SLC24A2: variants seen among roughly 807,000 people sequenced by gnomAD.
The protein encoded by SLC24A2 is sodium/potassium/calcium exchanger 2.
Under a neutral mutation model 62.0 loss-of-function variants are expected in SLC24A2, and 36 were observed. The ratio of observed to expected loss-of-function variants is 0.58; its 90% CI spans 0.44 to 0.77. The LOEUF (loss-of-function observed/expected upper bound fraction) is 0.77, where lower values mean the gene tolerates loss of function less well. Among genes scored for constraint, SLC24A2 ranks in the 30% least tolerant of loss-of-function variants. SLC24A2 has a pLI of 0.00. For synonymous variants in SLC24A2, 358 were observed against 294.0 expected (o/e 1.22, Z -2.23); for missense variants, 846 against 817.9 (o/e 1.03, Z -0.42).
intron 2 of SLC24A2, among the ~76,000 whole-genome samples, chr9:19,740,465 T>C (rs10964259): frequency 0.18 from 27,932 of 152,054 alleles, 4,941 homozygotes; most frequent in East Asian, 0.68. Context: ...ATAAATGAAG[T>C]CAAACCCCAA....
At chr9:19,746,020 A>T (rs1821821051) in intron 2 of SLC24A2, among the ~76,000 whole-genome samples, 1 of 152,104 alleles carries the variant, frequency 6.6e-6, no homozygotes, top group African/African-American at 2.4e-5. Flanking sequence ...GAAAATACAG[A>T]AAAGACTACA....
the SLC24A2 span, among the ~76,000 whole-genome samples, chr9:20,297,309 A>G: frequency 1.3e-5 from 2 of 152,310 alleles, no homozygotes; most frequent in Middle Eastern, 6.8e-3. Flanking sequence ...AGCATCATCC[A>G]TTTTACACAT....
At chr9:19,718,299 T>TTTC in intron 2 of SLC24A2, among the ~76,000 whole-genome samples, 1 of 131,038 alleles carries the variant, frequency 7.6e-6, no homozygotes, top group Non-Finnish European at 1.6e-5. Flanking sequence ...TTTTTTTTTT[T>TTTC]TTTTTTTTTT....
At chr9:19,794,180 G>A in the SLC24A2 span, among the ~76,000 whole-genome samples, 1 of 152,166 alleles carries the variant, frequency 6.6e-6, no homozygotes. Flanking sequence ...TCACTTACGA[G>A]GTAAGAAGTG....
rs1028029787 is a variant in SLC24A2, at chr9:19,520,292, C to G, written c.1736+602G>C. Among the ~76,000 whole-genome samples the G allele has an allele frequency of 5.9e-5, 9 of 152,200 alleles. No homozygotes were observed. The South Asian group carries it at 1.7e-3, about 28-fold the overall frequency. On this transcript the variant is annotated intron_variant, in intron 10 of 10. Coordinates refer to ENST00000341998, the MANE Select transcript of SLC24A2 (RefSeq NM_020344.4). ...ACAAGTTAAATAAAATGGTGGAGATCGCAGCACCTCTCCCCAGTCTGATTC... is the reference window on the plus strand; with the variant it reads ...ACAAGTTAAATAAAATGGTGGAGATGGCAGCACCTCTCCCCAGTCTGATTC...
At chr9:19,881,358 AT>A in the SLC24A2 span, among the ~76,000 whole-genome samples, 1 of 152,200 alleles carries the variant, frequency 6.6e-6, no homozygotes, top group Non-Finnish European at 1.5e-5. Flanking sequence ...AGATAAAAGT[AT>A]CATGTGCTGT....
At chr9:20,162,452 G>A in the SLC24A2 span, among the ~76,000 whole-genome samples, 1 of 152,082 alleles carries the variant, frequency 6.6e-6, no homozygotes, top group South Asian at 2.1e-4. Flanking sequence ...TTTCTGAATA[G>A]AACAATAACA....
chr9:20,306,461 G>C, the SLC24A2 span, among the ~76,000 whole-genome samples: 1 of 152,174 alleles, frequency 6.6e-6, no homozygotes, highest in African/African-American at 2.4e-5. Flanking sequence ...TCCACAAATA[G>C]AGAAAGACCC....
the SLC24A2 span, among the ~76,000 whole-genome samples, chr9:19,937,676 TGAGA>T: frequency 3.3e-5 from 5 of 152,350 alleles, no homozygotes; most frequent in Admixed American, 3.3e-4. Flanking sequence ...TCCTAATAAT[TGAGA>T]GACAGATATT....
chr9:19,676,809 T>C lies in SLC24A2; in HGVS notation c.931-54510A>G, dbSNP rs923107489. 2.6e-5 allele frequency among the ~76,000 whole-genome samples: 4 copies of C among 152,222 alleles called. No homozygotes were observed. In the East Asian group the frequency reaches 7.7e-4, roughly 29 times the overall value. Reference sequence around the variant, plus strand: ...GGAAAGAAACTATTTTATTATTTAATAGTTAATTTCTTAACCTAAGAGAAT... The same window carrying C: ...GGAAAGAAACTATTTTATTATTTAACAGTTAATTTCTTAACCTAAGAGAAT... On this transcript the variant is annotated intron_variant, in intron 2 of 10. Transcript: ENST00000341998.
the SLC24A2 span, among the ~76,000 whole-genome samples, chr9:20,244,174 G>C: frequency 6.6e-6 from 1 of 152,054 alleles, no homozygotes; most frequent in Admixed American, 6.6e-5. Flanking sequence ...TAGTTTTGAA[G>C]AAAAATAAAC....
At chr9:19,846,446 C>A in the SLC24A2 span, among the ~76,000 whole-genome samples, 2 of 152,290 alleles carry the variant, frequency 1.3e-5, no homozygotes, top group Admixed American at 6.5e-5. Flanking sequence ...GCAAGATAGA[C>A]TTTCCTCCAA....
intron 2 of SLC24A2, among the ~76,000 whole-genome samples, chr9:19,783,615 G>C (rs930367990): frequency 6.6e-6 from 1 of 152,038 alleles, no homozygotes; most frequent in Non-Finnish European, 1.5e-5. Flanking sequence ...TCAGTGCCTG[G>C]GGGGGAAAAC....
chr9:19,575,032 G>A (rs1835965531), intron 6 of SLC24A2, among the ~76,000 whole-genome samples: 1 of 152,076 alleles, frequency 6.6e-6, no homozygotes, highest in African/African-American at 2.4e-5. Context: ...AATAATTTGA[G>A]AGTTACATAA....
At chr9:20,288,013 G>A in the SLC24A2 span, among the ~76,000 whole-genome samples, 1 of 112,072 alleles carries the variant, frequency 8.9e-6, no homozygotes, top group Admixed American at 9.5e-5. Flanking sequence ...TTTTTGGTTG[G>A]GAGTGGGAAG....
the SLC24A2 span, among the ~76,000 whole-genome samples, chr9:20,017,892 C>G: frequency 4.6e-4 from 70 of 152,318 alleles, 1 homozygote; most frequent in South Asian, 0.014. Context: ...TCCACTGACT[C>G]AAATGTTAAT....
chr9:20,073,802 T>C, the SLC24A2 span, among the ~76,000 whole-genome samples: 63,785 of 150,668 alleles, frequency 0.42, 14,009 homozygotes, highest in Middle Eastern at 0.54. Flanking sequence ...TATGTATACA[T>C]TGTGTATGTA....
At chr9:19,750,401 T>G (rs569903870) in intron 2 of SLC24A2, among the ~76,000 whole-genome samples, 3 of 151,992 alleles carry the variant, frequency 2.0e-5, no homozygotes, top group Non-Finnish European at 4.4e-5. Context: ...CAACTACAGA[T>G]AGCATGCGAA....
intron 5 of SLC24A2, among the ~76,000 whole-genome samples, chr9:19,587,398 G>A (rs1010979575): frequency 1.3e-5 from 2 of 152,080 alleles, no homozygotes; most frequent in African/African-American, 4.8e-5. Flanking sequence ...ATATGTCTAT[G>A]AATTTTCACT....
Sources: allele counts gnomAD v4.1 joint callset (sites outside exome capture counted in the v4.1 genomes callset), GRCh38; gene constraint gnomAD v4.1.1; transcripts MANE v1.5; gene names NCBI Gene and HGNC (gene_info 2026-07-23, HGNC 2026-07-21).